Variants in SYT1 observed in about 807,000 individuals in gnomAD.
SYT1 encodes the protein synaptotagmin-1.
Under a neutral mutation model 44.8 loss-of-function variants are expected in SYT1, and 8 were observed. The ratio of observed to expected loss-of-function variants is 0.18; its 90% CI spans 0.10 to 0.32. The LOEUF (loss-of-function observed/expected upper bound fraction) is 0.32. SYT1 is among the 10% of genes least tolerant of loss of function. SYT1 has a pLI of 1.00. For synonymous variants in SYT1, 154 were observed against 188.8 expected, an observed-to-expected ratio of 0.82 and a Z score of 1.51; for missense variants, 286 against 509.3, an observed-to-expected ratio of 0.56 and a Z score of 4.22.
chr12:78,948,816 G>A (rs1878805253), intron 1 of SYT1, among the ~76,000 whole-genome samples: 1 of 151,688 alleles, frequency 6.6e-6, no homozygotes, highest in South Asian at 2.1e-4. Context: ...TACTTGCATA[G>A]TGTCCATGGA....
At chr12:79,328,402 G>T (rs1342634225) in intron 8 of SYT1, among the ~76,000 whole-genome samples, 2 of 152,100 alleles carry the variant, frequency 1.3e-5, no homozygotes, top group African/African-American at 2.4e-5. Flanking sequence ...TATTTAAGAT[G>T]ATATTACATC....
chr12:78,892,323 A>G (rs1347157302), intron 1 of SYT1, among the ~76,000 whole-genome samples: 1 of 151,870 alleles, frequency 6.6e-6, no homozygotes, highest in Non-Finnish European at 1.5e-5. Flanking sequence ...CATTCAAATT[A>G]TAGTACATTT....
intron 2 of SYT1, among the ~76,000 whole-genome samples, chr12:79,022,242 G>C (rs1484642831): frequency 2.0e-5 from 3 of 151,814 alleles, no homozygotes; most frequent in African/African-American, 2.4e-5. Flanking sequence ...GAGTCTCTTA[G>C]ATAGGGTAAA....
chr12:79,018,507 G>T (rs1399941029), intron 2 of SYT1, among the ~76,000 whole-genome samples: 1 of 152,030 alleles, frequency 6.6e-6, no homozygotes, highest in East Asian at 1.9e-4. Context: ...ATAAAAAATT[G>T]TATATTTATT....
At chr12:79,118,286 T>G (rs1018962811) in intron 3 of SYT1, among the ~76,000 whole-genome samples, 15 of 152,206 alleles carry the variant, frequency 9.9e-5, no homozygotes, top group Non-Finnish European at 2.1e-4. Flanking sequence ...AACTATGATT[T>G]TAATATAGAA....
chr12:78,906,685 C>T (rs530366656), intron 1 of SYT1, among the ~76,000 whole-genome samples: 4 of 152,128 alleles, frequency 2.6e-5, no homozygotes, highest in South Asian at 2.1e-4. Flanking sequence ...TGATGCAGGT[C>T]GTGGACAGAC....
chr12:79,137,753 A>G (rs1176945060), intron 3 of SYT1, among the ~76,000 whole-genome samples: 1 of 152,166 alleles, frequency 6.6e-6, no homozygotes, highest in African/African-American at 2.4e-5. Flanking sequence ...ATTTAGCTGT[A>G]ATTCTATAAT....
Position 79,178,987 on chromosome 12 carries a change from T to G in SYT1, c.-17-38516T>G, listed in dbSNP as rs56725676. On this transcript the variant is annotated intron_variant, in intron 3 of 10. Transcript: ENST00000261205. Reference sequence around the variant, plus strand: ...ATATAGATATATAGATATAGATATATCTATATAGATATAGATATAGATATA... The same window carrying G: ...ATATAGATATATAGATATAGATATAGCTATATAGATATAGATATAGATATA... Among the ~76,000 whole-genome samples, 257 of 62,052 alleles carry G rather than the reference T, an allele frequency of 4.1e-3. 31 individuals carry two copies. Among genetic ancestry groups the G allele is most frequent in the African/African-American group, 9.5e-3 (119 of 12,580 alleles). 40.7% of individuals were successfully genotyped at this position (62,052 alleles called of 152,430 possible). A position where few individuals can be genotyped will look rare whatever the true frequency, so the allele number is the denominator to read the frequency against.
chr12:79,404,749 A>G (rs774439412), intron 9 of SYT1, among the ~76,000 whole-genome samples: 1 of 152,242 alleles, frequency 6.6e-6, no homozygotes, highest in Non-Finnish European at 1.5e-5. Context: ...TGTAAATTAT[A>G]TGGCAAGAAT....
chr12:79,336,768 G>A (rs1047551661), intron 8 of SYT1, among the ~76,000 whole-genome samples: 1 of 152,142 alleles, frequency 6.6e-6, no homozygotes, highest in Non-Finnish European at 1.5e-5. Context: ...TAGCTGGGAT[G>A]ACCGGTGCAC....
intron 4 of SYT1, among the ~76,000 whole-genome samples, chr12:79,237,924 A>G (rs2138640529): frequency 6.6e-6 from 1 of 152,370 alleles, no homozygotes; most frequent in Non-Finnish European, 1.5e-5. Context: ...AGTACATATT[A>G]AAGTGAGATA....
chr12:79,409,740 G>A (rs1009233987), intron 9 of SYT1, among the ~76,000 whole-genome samples: 3 of 152,044 alleles, frequency 2.0e-5, no homozygotes, highest in Non-Finnish European at 2.9e-5. Context: ...TTGGCAGTGG[G>A]TTTCTGCTAC....
chr12:79,346,084 AATGT>A (rs1301577255), intron 8 of SYT1, among the ~76,000 whole-genome samples: 4 of 152,208 alleles, frequency 2.6e-5, no homozygotes, highest in Non-Finnish European at 5.9e-5. Context: ...GTTTCCATCA[AATGT>A]ATGAACTTAG....
chr12:79,148,717 C>T (rs1870078494), intron 3 of SYT1, among the ~76,000 whole-genome samples: 1 of 152,108 alleles, frequency 6.6e-6, no homozygotes, highest in African/African-American at 2.4e-5. Flanking sequence ...GGCTGAGGTG[C>T]TATATCTGTA....
At chr12:79,289,889 AGT>A (rs1491161157) in intron 5 of SYT1, among the ~76,000 whole-genome samples, 2 of 118,544 alleles carry the variant, frequency 1.7e-5, no homozygotes, top group East Asian at 3.0e-4. Context: ...TAAACTCAGT[AGT>A]TTTTTTTTTT....
intron 4 of SYT1, among the ~76,000 whole-genome samples, chr12:79,222,394 C>CT (rs1555208607): frequency 2.2e-4 from 32 of 148,354 alleles, no homozygotes; most frequent in Admixed American, 2.0e-3. Context: ...TTTCTTTTTT[C>CT]TTTTTTTTGA....
At chr12:78,968,195 C>T (rs1487970884) in intron 1 of SYT1, among the ~76,000 whole-genome samples, 1 of 152,050 alleles carries the variant, frequency 6.6e-6, no homozygotes, top group Non-Finnish European at 1.5e-5. Flanking sequence ...ATTGAACATA[C>T]TTGTGAACCA....
intron 3 of SYT1, among the ~76,000 whole-genome samples, chr12:79,083,959 C>T (rs1408196920): frequency 6.6e-6 from 1 of 152,062 alleles, no homozygotes; most frequent in African/African-American, 2.4e-5. Context: ...ATGAGCATAT[C>T]TCCTAACAAG....
At chr12:78,926,244 C>A (rs943450004) in intron 1 of SYT1, among the ~76,000 whole-genome samples, 1 of 152,042 alleles carries the variant, frequency 6.6e-6, no homozygotes, top group African/African-American at 2.4e-5. Flanking sequence ...ATAAAGCAAG[C>A]ACTACATCAT....
Sources: allele counts gnomAD v4.1 joint callset (sites outside exome capture counted in the v4.1 genomes callset), GRCh38; gene constraint gnomAD v4.1.1; transcripts MANE v1.5; gene names NCBI Gene and HGNC (gene_info 2026-07-23, HGNC 2026-07-21).